GFPT1: variants seen among roughly 807,000 people sequenced by gnomAD.
GFPT1 encodes the protein glutamine--fructose-6-phosphate aminotransferase [isomerizing] 1.
Under a neutral mutation model 92.0 loss-of-function variants are expected in GFPT1, and 40 were observed. The ratio of observed to expected loss-of-function variants is 0.43; its 90% CI spans 0.34 to 0.57. The LOEUF (loss-of-function observed/expected upper bound fraction) is 0.57, where lower values mean the gene tolerates loss of function less well. Among genes scored for constraint, GFPT1 ranks in the 20% least tolerant of loss-of-function variants. The pLI, the probability that GFPT1 is intolerant of heterozygous loss-of-function variation, is 0.02. For missense variants in GFPT1, 448 were observed against 869.1 expected, an observed-to-expected ratio of 0.52 and a Z score of 6.09; for synonymous variants, 269 against 280.6, an observed-to-expected ratio of 0.96 and a Z score of 0.41.
At chr2:69,364,994 C>CAAAAAAAAAAAAAAAA (rs58848043) in intron 3 of GFPT1, among the ~76,000 whole-genome samples, 1 of 44,164 alleles carries the variant, frequency 2.3e-5, no homozygotes, top group Non-Finnish European at 4.0e-5. Flanking sequence ...GACTCCCTCT[C>CAAAAAAAAAAAAAAAA]AAAAAAAAAA....
chr2:69,362,510 A>G (rs1045336276), intron 4 of GFPT1, among the ~76,000 whole-genome samples: 1 of 152,182 alleles, frequency 6.6e-6, no homozygotes, highest in Admixed American at 6.5e-5. Context: ...TTAAAAATAA[A>G]AAATAGGACA....
chr2:69,358,311 A>T lies in GFPT1; in HGVS notation c.543+18T>A, dbSNP rs1013081213. 9 of 1,603,628 alleles carry T rather than the reference A, an allele frequency of 5.6e-6. No individual in the cohort carries two copies. The highest frequency in any genetic ancestry group is 5.0e-5 in the Admixed American group (3 of 59,976). On this transcript the variant is annotated intron_variant, in intron 6 of 19. Transcript: ENST00000357308. The stretch of plus-strand genomic sequence containing the variant: ...CATTAATGTTGGCATAATTATCTTT[A>T]AAAATGTGGCTTAATACCAATTGTT...
At chr2:69,354,405 C>A in intron 8 of GFPT1, 84 bp downstream of exon 8, 2 of 1,270,548 alleles carry the variant, frequency 1.6e-6, no homozygotes, top group South Asian at 1.2e-5. Context: ...TATACATGTG[C>A]ATCTGACCAA....
At chr2:69,375,481 T>A (rs564632635) in intron 1 of GFPT1, among the ~76,000 whole-genome samples, 119 of 152,306 alleles carry the variant, frequency 7.8e-4, no homozygotes, top group Non-Finnish European at 3.8e-4. Context: ...CCATGATCAA[T>A]ACATTGCAAT....
At chr2:69,379,658 C>T (rs1372451114) in intron 1 of GFPT1, among the ~76,000 whole-genome samples, 1 of 152,004 alleles carries the variant, frequency 6.6e-6, no homozygotes, top group Non-Finnish European at 1.5e-5. Context: ...TCATCTCAGC[C>T]TCCCAAGTAG....
intron 13 of GFPT1, among the ~76,000 whole-genome samples, chr2:69,341,766 C>T (rs1286322163): frequency 6.6e-6 from 1 of 152,018 alleles, no homozygotes; most frequent in East Asian, 1.9e-4. Context: ...AGTAAAATTG[C>T]ACTGAGGTTC....
chr2:69,363,448 G>T, intron 4 of GFPT1, 97 bp downstream of exon 4: 1 of 1,304,300 alleles, frequency 7.7e-7, no homozygotes, highest in Non-Finnish European at 1.1e-6. Context: ...TTTTCCAGAT[G>T]AAAAATTATT....
At chr2:69,375,325 A>G (rs73934906) in intron 1 of GFPT1, among the ~76,000 whole-genome samples, 3,442 of 152,324 alleles carry the variant, frequency 0.023, 138 homozygotes, top group African/African-American at 0.077. Flanking sequence ...ATTCTGTGAG[A>G]TAGAACTCCC....
intron 2 of GFPT1, among the ~76,000 whole-genome samples, chr2:69,373,297 A>T (rs1373564309): frequency 6.6e-6 from 1 of 152,214 alleles, no homozygotes; most frequent in African/African-American, 2.4e-5. Context: ...TAAAGTTGCC[A>T]GAAAGTTATG....
At chr2:69,358,240 A>T in intron 6 of GFPT1, 89 bp downstream of exon 6, 2 of 1,110,358 alleles carry the variant, frequency 1.8e-6, no homozygotes, top group Non-Finnish European at 2.7e-6. Context: ...ATAAAAAAAT[A>T]GCACAGTTCC....
chr2:69,342,224 G>T lies in GFPT1; in HGVS notation c.1131C>A (p.His377Gln). 1 of 1,609,034 alleles carries T rather than the reference G, an allele frequency of 6.2e-7. No homozygotes were observed. The highest frequency in any genetic ancestry group is 8.5e-7 in the Non-Finnish European group (1 of 1,175,448). Residue 377 changes from histidine to glutamine, a missense_variant, in exon 13 of 20, where the codon CAC becomes CAA. Coordinates refer to ENST00000357308, the MANE Select transcript of GFPT1 (RefSeq NM_001244710.2). ...YTVNLGGLKD[H>Q]IKEIQRCRRL... ...GCCGGCATCTCTGGATCTCCTTTAT[G>T]TGATCCTTCAAACCACCCAAATTCA...
intron 6 of GFPT1, among the ~76,000 whole-genome samples, 180 bp from the exon 7 acceptor site, chr2:69,356,737 CCA>C (rs200053751): frequency 3.1e-4 from 35 of 113,630 alleles, no homozygotes; most frequent in African/African-American, 1.2e-3. Context: ...TATCCAAGAC[CCA>C]CATTTTTTTT....
At chr2:69,334,352 C>A (rs1670743370) in intron 15 of GFPT1, among the ~76,000 whole-genome samples, 1 of 151,902 alleles carries the variant, frequency 6.6e-6, no homozygotes, top group African/African-American at 2.4e-5. Flanking sequence ...AATTGCCATA[C>A]TTACTCAATT....
At chr2:69,360,871 A>G (rs144458499) in intron 4 of GFPT1, among the ~76,000 whole-genome samples, 2 of 152,126 alleles carry the variant, frequency 1.3e-5, no homozygotes, top group Non-Finnish European at 2.9e-5. Flanking sequence ...AGTAGCTGGG[A>G]TTACAGGTGC....
chr2:69,358,703 T>C (rs933222107), intron 5 of GFPT1, among the ~76,000 whole-genome samples: 1 of 152,180 alleles, frequency 6.6e-6, no homozygotes, highest in African/African-American at 2.4e-5. Context: ...TATGTGGCTA[T>C]TTCAATTTAA....
chr2:69,341,642 T>C (rs62135760), intron 13 of GFPT1, among the ~76,000 whole-genome samples: 3,829 of 146,592 alleles, frequency 0.026, 68 homozygotes, highest in Middle Eastern at 0.094. Context: ...GCTTCTGCAC[T>C]GACAATACAC....
intron 13 of GFPT1, among the ~76,000 whole-genome samples, chr2:69,339,825 GA>G (rs1214113469): frequency 1.3e-5 from 2 of 152,042 alleles, no homozygotes; most frequent in Non-Finnish European, 2.9e-5. Context: ...ATCATGTAAA[GA>G]AAATCATTGA....
At chr2:69,354,947 T>C (rs773977524) in intron 7 of GFPT1, among the ~76,000 whole-genome samples, 2 of 152,060 alleles carry the variant, frequency 1.3e-5, no homozygotes, top group Non-Finnish European at 2.9e-5. Context: ...AAGGTTGGAG[T>C]GAGCCAAGAT....
In GFPT1 at chr2:69,320,540, C is replaced by T. The variant is rs1670380154; in HGVS notation, c.*5649G>A. 6.6e-6 allele frequency: 1 copy of T among 152,348 alleles called. No homozygotes were observed. The highest frequency in any genetic ancestry group is 1.5e-5 in the Non-Finnish European group (1 of 68,174). The allele number at this position is 152,348 out of a possible 1,614,324, so 9.4% of individuals were successfully genotyped here. On this transcript the variant is annotated 3_prime_UTR_variant, in exon 20 of 20. Transcript: ENST00000357308. ...CGGTGACTCATGCCTGTAATCCCAGCACTTTGGGAGGCCAAGGCGGGCAGA... is the reference window on the plus strand; with the variant it reads ...CGGTGACTCATGCCTGTAATCCCAGTACTTTGGGAGGCCAAGGCGGGCAGA...
Sources: allele counts gnomAD v4.1 joint callset (sites outside exome capture counted in the v4.1 genomes callset), GRCh38; gene constraint gnomAD v4.1.1; transcripts MANE v1.5; gene names NCBI Gene and HGNC (gene_info 2026-07-23, HGNC 2026-07-21).